The following ZCCHC14 variants were observed in gnomAD, a reference collection of about 807,000 sequenced individuals.
ZCCHC14 encodes the protein zinc finger CCHC-type containing 14.
Under a neutral mutation model 85.0 loss-of-function variants are expected in ZCCHC14, and 16 were observed. The observed-to-expected ratio is 0.19, with a 90% confidence interval of 0.13 to 0.29. The LOEUF (loss-of-function observed/expected upper bound fraction) is 0.29, where lower values mean the gene tolerates loss of function less well. ZCCHC14 is among the 10% of genes least tolerant of loss of function. The probability of loss-of-function intolerance (pLI) is 1.00; values close to 1 mark genes in which losing one functional copy is unlikely to be tolerated. For synonymous variants in ZCCHC14, 775 were observed against 630.7 expected (o/e 1.23, Z -3.43); for missense variants, 1,303 against 1,443.5 (o/e 0.90, Z 1.58).
At chr16:87,450,956 T>C (rs1040943733) in intron 2 of ZCCHC14, among the ~76,000 whole-genome samples, 7 of 152,170 alleles carry the variant, frequency 4.6e-5, no homozygotes, top group Non-Finnish European at 8.8e-5. Context: ...TGGAGCGTAA[T>C]GGCACGATCT....
intron 1 of ZCCHC14, among the ~76,000 whole-genome samples, chr16:87,463,331 AT>A (rs1341885613): frequency 2.0e-5 from 3 of 151,300 alleles, no homozygotes; most frequent in African/African-American, 4.9e-5. Context: ...GCAGTGAGGT[AT>A]GATCATATCA....
chr16:87,475,975 G>A (rs1453161781), intron 1 of ZCCHC14, among the ~76,000 whole-genome samples: 1 of 152,198 alleles, frequency 6.6e-6, no homozygotes, highest in Non-Finnish European at 1.5e-5. Flanking sequence ...ACCAAAGACA[G>A]TCCATCTTAA....
At chr16:87,489,976 A>C (rs750939997) in intron 1 of ZCCHC14, among the ~76,000 whole-genome samples, 7 of 152,240 alleles carry the variant, frequency 4.6e-5, no homozygotes, top group Non-Finnish European at 8.8e-5. Context: ...TAAATGACTG[A>C]GATTCCATGA....
Position 87,412,724 on chromosome 16 carries a change from G to C in ZCCHC14, c.1997C>G (p.Ser666Cys), listed in dbSNP as rs1301990327. ...GSADMKLLSSSVHSLLSLEER... is the reference protein window; with the variant it reads ...GSADMKLLSSCVHSLLSLEER... Reference sequence around the variant, plus strand: ...TTCTAGAGACAAAAGTGAGTGCACAGAAGACGAGAGGAGCTTCATGTCCGC... The same window carrying C: ...TTCTAGAGACAAAAGTGAGTGCACACAAGACGAGAGGAGCTTCATGTCCGC... Residue 666 changes from serine to cysteine, a missense_variant, in exon 12 of 13, where the codon TCT (serine) becomes TGT (cysteine). Ser to Cys is a moderately radical substitution (Grantham distance 112). Transcript: ENST00000671377. The C allele has an allele frequency of 6.2e-7, 1 of 1,614,126 alleles. No individual in the cohort carries two copies. The highest frequency in any genetic ancestry group is 8.5e-7 in the Non-Finnish European group (1 of 1,180,046).
At position 87,410,333 on chromosome 16, in the gene ZCCHC14, T is replaced by C. The variant is rs767990747; in HGVS notation, c.3208A>G (p.Thr1070Ala). ...QPSMDFNRPG[T>A]FRLKYAPPAE... ...GGAGGGGCGTATTTCAACCTAAAAG[T>C]ACCTAGAGAGAGGGGAAAAAAGAGG... The change falls in exon 13 of 13, where the codon ACT (threonine) becomes GCT (alanine). Residue 1070 changes from threonine to alanine, a missense_variant and splice_region_variant. Thr to Ala is a moderately conservative substitution (Grantham distance 58). Coordinates refer to ENST00000671377, the MANE Select transcript of ZCCHC14 (RefSeq NM_015144.3). 3.6e-5 allele frequency: 28 copies of C among 775,200 alleles called. No homozygotes were observed. The allele number at this position is 775,200 out of a possible 1,614,324, so 48.0% of individuals were successfully genotyped here. A position where few individuals can be genotyped will look rare whatever the true frequency, so the allele number is the denominator to read the frequency against.
chr16:87,486,316 A>T (rs1422509929), intron 1 of ZCCHC14, among the ~76,000 whole-genome samples: 2 of 152,094 alleles, frequency 1.3e-5, no homozygotes, highest in Admixed American at 1.3e-4. Flanking sequence ...GGATCCTCTA[A>T]GATTCTAATA....
At position 87,492,025 on chromosome 16, in the gene ZCCHC14, G is replaced by A; in HGVS notation, c.214C>T (p.Leu72=). Residue 72 remains leucine (L), a synonymous_variant, in exon 1 of 13, where the codon CTG becomes TTG. Transcript: ENST00000671377. This position sits in a 1 kb window ranked among gnomAD's most constrained non-coding sequence, Gnocchi z 6.7. ...TCCGTCAGGTTGGTGAGGCTGCCCA[G>A]GTCGGCCGGGTTGTTGGCCTTGATC... ...SEIKANNPAD[L]GSLTNLTDEV... is the part of the protein sequence containing the mutation. The A allele has an allele frequency of 7.2e-7, 1 of 1,389,634 alleles. No individual in the cohort carries two copies. The highest frequency in any genetic ancestry group is 9.3e-7 in the Non-Finnish European group (1 of 1,078,540). The allele number at this position is 1,389,634 out of a possible 1,614,324, so 86.1% of individuals were successfully genotyped here.
intron 1 of ZCCHC14, among the ~76,000 whole-genome samples, chr16:87,484,128 T>G (rs1912409291): frequency 6.6e-6 from 1 of 152,198 alleles, no homozygotes; most frequent in Non-Finnish European, 1.5e-5. Context: ...CGAGGAAGTG[T>G]GCTATCTGCA....
At chr16:87,487,665 G>C (rs1197536829) in intron 1 of ZCCHC14, among the ~76,000 whole-genome samples, 1 of 152,254 alleles carries the variant, frequency 6.6e-6, no homozygotes, top group Admixed American at 6.5e-5. Flanking sequence ...ACAGTGCACG[G>C]GGGTGAAGAC....
chr16:87,440,495 C>A (rs1409864757), intron 2 of ZCCHC14, among the ~76,000 whole-genome samples: 1 of 152,040 alleles, frequency 6.6e-6, no homozygotes, highest in African/African-American at 2.4e-5. Flanking sequence ...AGAGATCAGG[C>A]ATTTTATAAA....
At chr16:87,479,704 T>C (rs1714041028) in intron 1 of ZCCHC14, among the ~76,000 whole-genome samples, 1 of 152,204 alleles carries the variant, frequency 6.6e-6, no homozygotes, top group African/African-American at 2.4e-5. Context: ...ACAAACTTAC[T>C]TGCAGAACTA....
In ZCCHC14 at chr16:87,423,318, C is replaced by T. The variant is rs115127653; in HGVS notation, c.840+492G>A. ...CCACTTGAGCACCAGGAGGTCAAGG[C>T]TGCAGTGAGCTGTGATGATGGTACC... On this transcript the variant is annotated intron_variant, in intron 4 of 12. Transcript: ENST00000671377. Among the ~76,000 whole-genome samples, 606 of 152,262 alleles carry T rather than the reference C, an allele frequency of 4.0e-3. 9 individuals carry two copies. The highest frequency in any genetic ancestry group is 0.014 in the African/African-American group (583 of 41,548).
chr16:87,419,651 G>A, intron 6 of ZCCHC14, 132 bp downstream of exon 6: 1 of 641,102 alleles, frequency 1.6e-6, no homozygotes, highest in Non-Finnish European at 2.4e-6. Flanking sequence ...GGTCAGGCTG[G>A]TCTTGAACTC....
At chr16:87,461,603 C>T (rs1020937080) in intron 1 of ZCCHC14, among the ~76,000 whole-genome samples, 1 of 152,248 alleles carries the variant, frequency 6.6e-6, no homozygotes, top group Non-Finnish European at 1.5e-5. Context: ...AAAACATCCC[C>T]TAAGTTCACT....
chr16:87,434,788 G>C (rs532225091), intron 2 of ZCCHC14, among the ~76,000 whole-genome samples: 1 of 152,090 alleles, frequency 6.6e-6, no homozygotes, highest in African/African-American at 2.4e-5. Flanking sequence ...TCAGGAGTTC[G>C]AGAGCAGCCT....
chr16:87,426,599 C>A (rs1248799808), intron 3 of ZCCHC14, among the ~76,000 whole-genome samples: 1 of 152,202 alleles, frequency 6.6e-6, no homozygotes, highest in Non-Finnish European at 1.5e-5. Flanking sequence ...CCCTCCAGAG[C>A]CACTGGAGCC....
At chr16:87,481,716 A>C (rs2150776084) in intron 1 of ZCCHC14, among the ~76,000 whole-genome samples, 1 of 152,248 alleles carries the variant, frequency 6.6e-6, no homozygotes, top group East Asian at 1.9e-4. Flanking sequence ...GGGGATAAAA[A>C]AGGGCATCTC....
In ZCCHC14 at chr16:87,418,852, A is replaced by G. The variant is rs1908935567; in HGVS notation, c.1095T>C (p.Ser365=). The G allele has an allele frequency of 6.2e-7, 1 of 1,613,472 alleles. No individual in the cohort carries two copies. The highest frequency in any genetic ancestry group is 1.3e-5 in the African/African-American group (1 of 75,050). Residue 365 remains serine (S), a synonymous_variant, in exon 7 of 13, where the codon TCT becomes TCC. Coordinates refer to ENST00000671377, the MANE Select transcript of ZCCHC14 (RefSeq NM_015144.3). ...TTACATAGAAGATTTCTCACCTTCC[A>G]GACACGCCCATCACGGTACCTACTT... The part of the protein sequence containing the change: ...LSKVGTVMGV[S]GRPVCGVAGI...
chr16:87,432,811 G>A (rs1023901336), intron 3 of ZCCHC14, among the ~76,000 whole-genome samples: 4 of 152,156 alleles, frequency 2.6e-5, no homozygotes, highest in Non-Finnish European at 5.9e-5. Context: ...CCACGGCCCC[G>A]GGTTCTGTGT....
Sources: gnomAD v4.1 joint callset for allele counts (sites outside exome capture counted in the v4.1 genomes callset) on GRCh38, gnomAD v4.1.1 for gene constraint, Gnocchi (gnomAD v3.1) non-coding constraint, MANE v1.5 for transcripts, NCBI Gene and HGNC (gene_info 2026-07-23, HGNC 2026-07-21) for gene names.